Variants in TMEM200A observed in about 807,000 individuals in gnomAD.
TMEM200A encodes two transmembrane C.
TMEM200A carries 12 observed loss-of-function variants against 24.3 expected under a neutral mutation model. The observed-to-expected ratio is 0.49, with a 90% CI of 0.32 to 0.80. The LOEUF (loss-of-function observed/expected upper bound fraction) is 0.80, where lower values mean the gene tolerates loss of function less well. TMEM200A is among the 30% of genes least tolerant of loss of function. The probability of loss-of-function intolerance (pLI) is 0.04; values close to 1 mark genes in which losing one functional copy is unlikely to be tolerated. For synonymous variants in TMEM200A, 224 were observed against 224.4 expected (o/e 1.00, Z 0.02); for missense variants, 545 against 614.4 (o/e 0.89, Z 1.19).
intron 2 of TMEM200A, among the ~76,000 whole-genome samples, chr6:130,419,585 A>G (rs910951799): frequency 6.6e-6 from 1 of 152,062 alleles, no homozygotes; most frequent in Non-Finnish European, 1.5e-5. Flanking sequence ...AGCATTCATT[A>G]TTTTTTGTCT....
At position 130,391,731 on chromosome 6, in the gene TMEM200A, CTTTTTTTTTTT is replaced by C. The variant is rs773093362; in HGVS notation, c.-17+6514_-17+6524del. ...CACTTCTTTTAAACCTTCAAGATTC[CTTTTTTTTTTT>C]TTTTTTTTTTTTTTTTTTGAGACAG... On this transcript the variant is annotated intron_variant, in intron 2 of 2. Transcript: ENST00000296978. Among the ~76,000 whole-genome samples the C allele has an allele frequency of 5.5e-3, 453 of 81,916 alleles. 1 individual carries two copies. The highest frequency in any genetic ancestry group is 0.022 in the African/African-American group (389 of 17,796). The allele number at this position is 81,916 out of a possible 152,430, so 53.7% of individuals were successfully genotyped here.
chr6:130,388,953 G>A (rs1183118785), intron 2 of TMEM200A, among the ~76,000 whole-genome samples: 1 of 152,000 alleles, frequency 6.6e-6, no homozygotes, highest in African/African-American at 2.4e-5. Context: ...TTTGAACAAT[G>A]ATTTCTTGAA....
chr6:130,382,257 G>A (rs1334579315), intron 1 of TMEM200A, among the ~76,000 whole-genome samples: 3 of 152,182 alleles, frequency 2.0e-5, no homozygotes, highest in African/African-American at 4.8e-5. Flanking sequence ...CTGGCACAGT[G>A]TGTGGCACAA....
intron 2 of TMEM200A, among the ~76,000 whole-genome samples, chr6:130,418,383 T>C (rs954007539): frequency 6.6e-6 from 1 of 152,190 alleles, no homozygotes; most frequent in African/African-American, 2.4e-5. Context: ...ACAAAATTAT[T>C]GCTTTTTTCT....
At chr6:130,424,615 C>CTTTA (rs956043291) in intron 2 of TMEM200A, among the ~76,000 whole-genome samples, 3 of 152,062 alleles carry the variant, frequency 2.0e-5, no homozygotes, top group Non-Finnish European at 4.4e-5. Context: ...CCTTAGTTAA[C>CTTTA]TTTATTTAAT....
In TMEM200A at chr6:130,442,787, AG is replaced by A. The variant is rs1277169050; in HGVS notation, c.*890del. On this transcript the variant is annotated 3_prime_UTR_variant, in exon 3 of 3. Coordinates refer to ENST00000296978, the MANE Select transcript of TMEM200A (RefSeq NM_001258277.2). Reference sequence around the variant, plus strand: ...TTTTAGCCATCTGTTACTGTCCAATAGCACCTCATTCCCACATTCTATTTTC... The same window carrying A: ...TTTTAGCCATCTGTTACTGTCCAATACACCTCATTCCCACATTCTATTTTC... 1 of 167,072 alleles carries A rather than the reference AG, an allele frequency of 6.0e-6. No homozygotes were observed. Among genetic ancestry groups the A allele is most frequent in the African/African-American group, 2.4e-5 (1 of 41,462 alleles). 10.3% of individuals were successfully genotyped at this position (167,072 alleles called of 1,614,324 possible).
intron 2 of TMEM200A, chr6:130,437,705 A>G (rs995848501): frequency 6.6e-6 from 1 of 152,118 alleles, no homozygotes. Context: ...ATCCATTTTC[A>G]TACTTTTAAG....
intron 1 of TMEM200A, chr6:130,382,906 G>T: frequency 2.7e-6 from 1 of 366,086 alleles, no homozygotes; most frequent in Non-Finnish European, 3.8e-6. Flanking sequence ...GAACATTTGT[G>T]TTATTTGTGA....
intron 2 of TMEM200A, among the ~76,000 whole-genome samples, chr6:130,407,894 T>A (rs1779241526): frequency 6.6e-6 from 1 of 152,236 alleles, no homozygotes; most frequent in African/African-American, 2.4e-5. Flanking sequence ...ACGTCTGCTA[T>A]CCTTTTTATT....
At chr6:130,386,652 A>G (rs1478762066) in intron 2 of TMEM200A, among the ~76,000 whole-genome samples, 2 of 152,182 alleles carry the variant, frequency 1.3e-5, no homozygotes, top group African/African-American at 2.4e-5. Context: ...GAAACCATAG[A>G]TCTTTAAAAG....
At chr6:130,403,894 A>C (rs1452541793) in intron 2 of TMEM200A, among the ~76,000 whole-genome samples, 1 of 152,076 alleles carries the variant, frequency 6.6e-6, no homozygotes, top group East Asian at 1.9e-4. Flanking sequence ...CTCATCATTT[A>C]GCTCTCACTT....
chr6:130,368,982 G>A (rs765085943), intron 1 of TMEM200A, among the ~76,000 whole-genome samples: 1 of 152,200 alleles, frequency 6.6e-6, no homozygotes, highest in Admixed American at 6.5e-5. Flanking sequence ...CAGAATTAAA[G>A]AGAGACAGAA....
rs145380593 is a variant in TMEM200A, at chr6:130,441,402, T to C, written c.980T>C (p.Leu327Pro). 8.6e-5 allele frequency: 138 copies of C among 1,613,974 alleles called. No individual in the cohort carries two copies. The highest frequency in any genetic ancestry group is 9.9e-5 in the Non-Finnish European group (117 of 1,180,006). The change falls in exon 3 of 3, where the codon CTT (leucine) becomes CCT (proline). Residue 327 changes from leucine to proline, a missense_variant. Leu to Pro is a moderately conservative substitution (Grantham distance 98, BLOSUM62 -3). Transcript: ENST00000296978. ...TCAAGGAATTTGTCAATGGATTCCC[T>C]TGTGGTTCCTTTGCCCAACACCAGT... ...SRSRNLSMDS[L>P]VVPLPNTSES...
chr6:130,395,554 C>G (rs1363256911), intron 2 of TMEM200A, among the ~76,000 whole-genome samples: 4 of 152,192 alleles, frequency 2.6e-5, no homozygotes, highest in African/African-American at 4.8e-5. Flanking sequence ...GGTTGAGAAT[C>G]TTAAGTAGTC....
At chr6:130,438,766 TAGA>T (rs1367719747) in intron 2 of TMEM200A, 7 of 152,220 alleles carry the variant, frequency 4.6e-5, no homozygotes, top group East Asian at 1.9e-4. Flanking sequence ...TGATCATAAG[TAGA>T]AGAACTGTGA....
rs933978010 is a variant in TMEM200A at position 130,440,041 on chromosome 6, T to TGA, written c.-16-351_-16-350dup. ...GTGTGTGTGTATGTGTGTGTGTGTG[T>TGA]GAGAGAGAGAGAGAGAAGAGAAAGA... On this transcript the variant is annotated intron_variant, in intron 2 of 2. Transcript: ENST00000296978. 2.0e-3 allele frequency among the ~76,000 whole-genome samples: 300 copies of TGA among 149,654 alleles called. 1 individual carries two copies. The highest frequency in any genetic ancestry group is 6.3e-3 in the African/African-American group (259 of 41,044).
chr6:130,366,396 C>G lies in TMEM200A; in HGVS notation c.-209C>G. 2 of 985,538 alleles carry G rather than the reference C, an allele frequency of 2.0e-6. No individual in the cohort carries two copies. The highest frequency in any genetic ancestry group is 2.4e-6 in the Non-Finnish European group (2 of 830,046). The allele number at this position is 985,538 out of a possible 1,614,324, so 61.0% of individuals were successfully genotyped here. ...CCGCGGCGGCCGAGATTCCCGCTGA[C>G]GCCCCCGACCCTGCCGCCTTCTTCG... On this transcript the variant is annotated 5_prime_UTR_variant, in exon 1 of 3. Coordinates refer to ENST00000296978, the MANE Select transcript of TMEM200A (RefSeq NM_001258277.2). The surrounding 1 kb of genome is among the most constrained non-coding windows in gnomAD (Gnocchi z 4.4).
At chr6:130,430,092 A>G (rs1025931103) in intron 2 of TMEM200A, among the ~76,000 whole-genome samples, 12 of 152,050 alleles carry the variant, frequency 7.9e-5, no homozygotes, top group Non-Finnish European at 1.6e-4. Flanking sequence ...CATAGACTAC[A>G]TGGCTTATAA....
intron 2 of TMEM200A, among the ~76,000 whole-genome samples, chr6:130,415,179 G>T (rs1369916972): frequency 6.6e-6 from 1 of 152,118 alleles, no homozygotes; most frequent in Non-Finnish European, 1.5e-5. Flanking sequence ...AGAAGGAAAG[G>T]GGTTACTCTG....
Sources: allele counts gnomAD v4.1 joint callset (sites outside exome capture counted in the v4.1 genomes callset), GRCh38; gene constraint gnomAD v4.1.1; non-coding constraint Gnocchi (gnomAD v3.1); transcripts MANE v1.5; gene names NCBI Gene and HGNC (gene_info 2026-07-23, HGNC 2026-07-21).